The following MMADHC variants were observed in gnomAD, a reference collection of about 807,000 sequenced individuals.
The protein encoded by MMADHC is metabolism of cobalamin associated D, also known as cobalamin trafficking protein CblD.
MMADHC carries 23 observed loss-of-function variants against 36.3 expected under a neutral mutation model. That is an observed-to-expected ratio of 0.63 (90% CI 0.46 to 0.90). The LOEUF (loss-of-function observed/expected upper bound fraction) is 0.90. MMADHC is among the 40% of genes least tolerant of loss of function. The pLI, the probability that MMADHC is intolerant of heterozygous loss-of-function variation, is 0.00. For missense variants in MMADHC, 330 were observed against 348.0 expected (o/e 0.95, Z 0.41); for synonymous variants, 97 against 116.1 (o/e 0.84, Z 1.06).
chr2:149,585,064 GA>G (rs1179774375), intron 2 of MMADHC, among the ~76,000 whole-genome samples: 1 of 148,394 alleles, frequency 6.7e-6, no homozygotes, highest in African/African-American at 2.5e-5. Flanking sequence ...AAAGAAAAAA[GA>G]AAAAAAAGAA....
chr2:149,577,782 G>A (rs145557792), intron 4 of MMADHC, among the ~76,000 whole-genome samples: 24 of 152,338 alleles, frequency 1.6e-4, no homozygotes, highest in African/African-American at 4.8e-4. Context: ...AACTTTGGGA[G>A]GCCAAGGCGG....
Position 149,581,039 on chromosome 2 carries a change from T to C in MMADHC, c.154+1088A>G, listed in dbSNP as rs535336449. Among the ~76,000 whole-genome samples, 23 of 152,286 alleles carry C rather than the reference T, an allele frequency of 1.5e-4. No individual in the cohort carries two copies. In the South Asian group the frequency reaches 4.3e-3, roughly 29 times the overall value. On this transcript the variant is annotated intron_variant, in intron 3 of 7. Coordinates refer to ENST00000303319, the MANE Select transcript of MMADHC (RefSeq NM_015702.3). ...ACCTGTTAGCTATTTTTGAACAAGA[T>C]GGTTTTTAAAAGTCTAACAATCCCT...
chr2:149,587,271 C>A, intron 1 of MMADHC, 122 bp from the exon 2 acceptor site: 1 of 675,894 alleles, frequency 1.5e-6, no homozygotes, highest in South Asian at 1.7e-5. Context: ...TCCAAGCTCT[C>A]CCCGTACCCT....
rs1165740843 is a variant in MMADHC, at chr2:149,576,418, A to C, written c.478+19T>G. 2.0e-6 allele frequency: 3 copies of C among 1,514,756 alleles called. No individual in the cohort carries two copies. Among genetic ancestry groups the C allele is most frequent in the Non-Finnish European group, 2.8e-6 (3 of 1,089,462 alleles). The allele number at this position is 1,514,756 out of a possible 1,614,324, so 93.8% of individuals were successfully genotyped here. On this transcript the variant is annotated intron_variant, in intron 5 of 7. Coordinates refer to ENST00000303319, the MANE Select transcript of MMADHC (RefSeq NM_015702.3). ...AAAAAAATTAGTAACAGTGTTTCAAAGTATAAAGCATGACATACCTTTTCG... is the reference window on the plus strand; with the variant it reads ...AAAAAAATTAGTAACAGTGTTTCAACGTATAAAGCATGACATACCTTTTCG...
intron 2 of MMADHC, among the ~76,000 whole-genome samples, chr2:149,582,574 C>T (rs1039379980): frequency 1.3e-5 from 2 of 152,140 alleles, no homozygotes; most frequent in African/African-American, 4.8e-5. Flanking sequence ...TATTTAGACA[C>T]AACACTAAAA....
chr2:149,581,890 TG>T (rs1173826444), intron 3 of MMADHC, among the ~76,000 whole-genome samples: 1 of 152,170 alleles, frequency 6.6e-6, no homozygotes, highest in Non-Finnish European at 1.5e-5. Flanking sequence ...GAAGACTCTA[TG>T]TTTGAAGACA....
chr2:149,580,327 C>T (rs13412063), intron 3 of MMADHC, among the ~76,000 whole-genome samples: 18,133 of 152,062 alleles, frequency 0.12, 1,129 homozygotes, highest in African/African-American at 0.15. Flanking sequence ...GAGGGGCATT[C>T]TGCTGCTGTT....
chr2:149,579,878 T>C (rs963364498), intron 3 of MMADHC, among the ~76,000 whole-genome samples: 11 of 152,292 alleles, frequency 7.2e-5, no homozygotes, highest in African/African-American at 2.6e-4. Flanking sequence ...AATAAAATAC[T>C]CTAATCCATA....
intron 2 of MMADHC, among the ~76,000 whole-genome samples, chr2:149,583,980 T>C (rs1301312349): frequency 1.3e-5 from 2 of 152,176 alleles, no homozygotes; most frequent in African/African-American, 4.8e-5. Flanking sequence ...TGGATAAATA[T>C]AACCTCCTTT....
At position 149,571,189 on chromosome 2, in the gene MMADHC, A is replaced by C; in HGVS notation, c.610-18T>G. 6.6e-7 allele frequency: 1 copy of C among 1,525,772 alleles called. No homozygotes were observed. The highest frequency in any genetic ancestry group is 9.1e-7 in the Non-Finnish European group (1 of 1,104,592). 94.5% of individuals were successfully genotyped at this position (1,525,772 alleles called of 1,614,324 possible). On this transcript the variant is annotated intron_variant, in intron 6 of 7. Transcript: ENST00000303319. ...TTGATGAACTGCAATGGAAGTCACAAATAATATGCTTAAGATAGCATTACT... is the reference window on the plus strand; with the variant it reads ...TTGATGAACTGCAATGGAAGTCACACATAATATGCTTAAGATAGCATTACT...
chr2:149,573,833 C>CAAAGTCGTGGGGG, intron 6 of MMADHC, among the ~76,000 whole-genome samples: 1 of 150,914 alleles, frequency 6.6e-6, no homozygotes, highest in Non-Finnish European at 1.5e-5. Context: ...GAAATGCGAT[C>CAAAGTCGTGGGGG]AAATGTTTAC....
chr2:149,576,174 AAT>A (rs1358001258), intron 5 of MMADHC, among the ~76,000 whole-genome samples: 1 of 152,032 alleles, frequency 6.6e-6, no homozygotes, highest in African/African-American at 2.4e-5. Context: ...TTATAACTCT[AAT>A]AATCACCCAG....
intron 4 of MMADHC, among the ~76,000 whole-genome samples, chr2:149,577,790 C>T (rs966604334): frequency 2.6e-5 from 4 of 152,274 alleles, no homozygotes; most frequent in Non-Finnish European, 4.4e-5. Context: ...GAGGCCAAGG[C>T]GGCCAGATCA....
At position 149,573,592 on chromosome 2, in the gene MMADHC, AG is replaced by A. The variant is rs200712528; in HGVS notation, c.609+2118del. 5.5e-3 allele frequency among the ~76,000 whole-genome samples: 844 copies of A among 152,310 alleles called. 10 individuals carry two copies. Among genetic ancestry groups the A allele is most frequent in the African/African-American group, 0.019 (801 of 41,568 alleles). ...TTTATAGAAAAAGTTATTTGATCTA[AG>A]GTAACTTTTCTCTTAATACTTTCTT... On this transcript the variant is annotated intron_variant, in intron 6 of 7. Coordinates refer to ENST00000303319, the MANE Select transcript of MMADHC (RefSeq NM_015702.3).
At chr2:149,570,804 AAC>A (rs1682627187) in intron 7 of MMADHC, among the ~76,000 whole-genome samples, 1 of 152,202 alleles carries the variant, frequency 6.6e-6, no homozygotes, top group Non-Finnish European at 1.5e-5. Flanking sequence ...ATATAAAATA[AAC>A]ACACTAATTC....
At chr2:149,582,062 G>A in intron 3 of MMADHC, 65 bp downstream of exon 3, 4 of 1,568,350 alleles carry the variant, frequency 2.6e-6, no homozygotes, top group Non-Finnish European at 3.5e-6. Flanking sequence ...AGAAATATTA[G>A]AGGAAAATAC....
chr2:149,571,048 C>A, intron 7 of MMADHC, 37 bp downstream of exon 7: 1 of 1,424,278 alleles, frequency 7.0e-7, no homozygotes. Context: ...ATCATCTCTA[C>A]TTCATATAAT....
intron 2 of MMADHC, among the ~76,000 whole-genome samples, chr2:149,586,278 T>C (rs1682867390): frequency 6.6e-6 from 1 of 152,204 alleles, no homozygotes; most frequent in Non-Finnish European, 1.5e-5. Context: ...ACCTCACAAT[T>C]CAACCTTATC....
In MMADHC at chr2:149,579,449, T is replaced by G; in HGVS notation, c.354A>C (p.Gln118His). The G allele has an allele frequency of 6.2e-7, 1 of 1,611,874 alleles. No homozygotes were observed. Among genetic ancestry groups the G allele is most frequent in the Non-Finnish European group, 8.5e-7 (1 of 1,179,676 alleles). The change falls in exon 4 of 8, where the codon CAA becomes CAC. Residue 118 changes from glutamine to histidine, a missense_variant. Gln to His is a conservative substitution (Grantham distance 24). Transcript: ENST00000303319. ...AATTTACCTGAAATTCATTCACATA[T>G]TGTGCCATCACAAACTCATGTCTTT... is the stretch of plus-strand genomic sequence containing the variant. Reference protein sequence around the residue: ...SSERHEFVMAQYVNEFQGNDA... With the variant: ...SSERHEFVMAHYVNEFQGNDA...
Sources: allele counts gnomAD v4.1 joint callset (sites outside exome capture counted in the v4.1 genomes callset), GRCh38; gene constraint gnomAD v4.1.1; transcripts MANE v1.5; gene names NCBI Gene and HGNC (gene_info 2026-07-23, HGNC 2026-07-21).